The following OTUD7A variants were observed in gnomAD, a reference collection of about 807,000 sequenced individuals.
OTUD7A encodes OTU deubiquitinase 7A.
In OTUD7A, 12 loss-of-function variants were observed where a neutral mutation model predicts 65.7. The ratio of observed to expected loss-of-function variants is 0.18; its 90% CI spans 0.12 to 0.30. The LOEUF is 0.30. Ranked by LOEUF, OTUD7A falls within the 10% of genes least tolerant of loss-of-function variation. The probability of loss-of-function intolerance (pLI) is 1.00; values close to 1 mark genes in which losing one functional copy is unlikely to be tolerated. For missense variants in OTUD7A, 1,148 were observed against 1,304.8 expected (o/e 0.88, Z 1.85); for synonymous variants, 641 against 586.3 (o/e 1.09, Z -1.35).
chr15:31,646,370 T>A (rs1891664656), intron 3 of OTUD7A, among the ~76,000 whole-genome samples: 1 of 152,198 alleles, frequency 6.6e-6, no homozygotes, highest in Admixed American at 6.5e-5. Context: ...TGAATACGGC[T>A]GGCTTTCCAG....
chr15:31,660,391 A>C (rs914325065), intron 1 of OTUD7A, among the ~76,000 whole-genome samples: 4 of 152,232 alleles, frequency 2.6e-5, no homozygotes, highest in Non-Finnish European at 5.9e-5. Flanking sequence ...TGTGGATGCC[A>C]CATTAGGGAA....
intron 1 of OTUD7A, among the ~76,000 whole-genome samples, chr15:31,687,806 TAAC>T (rs1320098298): frequency 6.6e-6 from 1 of 152,160 alleles, no homozygotes; most frequent in Non-Finnish European, 1.5e-5. Flanking sequence ...AAAATTATAA[TAAC>T]AACCATCAAG....
intron 1 of OTUD7A, among the ~76,000 whole-genome samples, chr15:31,770,752 A>G (rs1403514262): frequency 3.3e-5 from 5 of 152,258 alleles, no homozygotes; most frequent in Non-Finnish European, 5.9e-5. Context: ...TTGGTTTATC[A>G]TTAGAAAATA....
intron 1 of OTUD7A, among the ~76,000 whole-genome samples, chr15:31,805,550 AT>A (rs1364550277): frequency 6.6e-6 from 1 of 152,234 alleles, no homozygotes; most frequent in Non-Finnish European, 1.5e-5. Context: ...GAGGCCTGTG[AT>A]TTATCAAAAT....
intron 1 of OTUD7A, among the ~76,000 whole-genome samples, chr15:31,716,417 A>G (rs1210089850): frequency 5.5e-5 from 6 of 108,832 alleles, no homozygotes; most frequent in African/African-American, 1.6e-4. Flanking sequence ...CTAAAAGGAG[A>G]TCATCTTGTT....
chr15:31,587,905 C>T (rs1889597052), intron 3 of OTUD7A, among the ~76,000 whole-genome samples: 1 of 151,966 alleles, frequency 6.6e-6, no homozygotes. Flanking sequence ...TATCTGCACT[C>T]TTTCTCCCTC....
At chr15:31,739,153 A>G (rs1349922839) in intron 1 of OTUD7A, among the ~76,000 whole-genome samples, 1 of 152,210 alleles carries the variant, frequency 6.6e-6, no homozygotes, top group East Asian at 1.9e-4. Flanking sequence ...CTCATCTTGG[A>G]TCAAAAGACT....
intron 4 of OTUD7A, among the ~76,000 whole-genome samples, chr15:31,568,689 G>A (rs1323786103): frequency 1.3e-5 from 2 of 152,216 alleles, no homozygotes; most frequent in Non-Finnish European, 2.9e-5. Context: ...AGGCCTAGTG[G>A]GAGGTGTTTG....
intron 1 of OTUD7A, among the ~76,000 whole-genome samples, chr15:31,661,896 CCTCT>C (rs772623461): frequency 1.3e-5 from 2 of 151,942 alleles, no homozygotes; most frequent in South Asian, 2.1e-4. Context: ...CGTCTTTTTC[CCTCT>C]GTTTGTTGAA....
At chr15:31,527,420 G>A (rs1011345215) in intron 6 of OTUD7A, 112 bp from the exon 7 acceptor site, 4 of 1,376,032 alleles carry the variant, frequency 2.9e-6, no homozygotes, top group Non-Finnish European at 3.9e-6. Flanking sequence ...TCTGCACGCA[G>A]AACAGCCTCC....
chr15:31,659,503 A>T (rs915593486), intron 1 of OTUD7A, among the ~76,000 whole-genome samples: 2 of 152,258 alleles, frequency 1.3e-5, no homozygotes, highest in Non-Finnish European at 2.9e-5. Flanking sequence ...ATCGACATAA[A>T]CAACATTTTA....
At chr15:31,687,697 T>C (rs765381088) in intron 1 of OTUD7A, among the ~76,000 whole-genome samples, 21 of 152,192 alleles carry the variant, frequency 1.4e-4, no homozygotes, top group Non-Finnish European at 2.6e-4. Context: ...CACCTCAGTA[T>C]ATGCTCCCTT....
At chr15:31,686,682 GAA>G (rs1892844336) in intron 1 of OTUD7A, among the ~76,000 whole-genome samples, 1 of 152,230 alleles carries the variant, frequency 6.6e-6, no homozygotes, top group African/African-American at 2.4e-5. Flanking sequence ...GAGCCCACCA[GAA>G]GAGTCCTCCG....
chr15:31,624,005 A>T (rs371331332), intron 3 of OTUD7A, among the ~76,000 whole-genome samples: 4 of 152,376 alleles, frequency 2.6e-5, no homozygotes, highest in South Asian at 4.1e-4. Context: ...AGAGGTATGC[A>T]ATACTTCAAT....
intron 1 of OTUD7A, among the ~76,000 whole-genome samples, chr15:31,703,261 T>C (rs1360938642): frequency 6.6e-6 from 1 of 152,160 alleles, no homozygotes; most frequent in Non-Finnish European, 1.5e-5. Flanking sequence ...ATTGATAAAC[T>C]TGAACTTTTT....
At chr15:31,488,026 C>CTGAT (rs2041265089) in intron 10 of OTUD7A, among the ~76,000 whole-genome samples, 1 of 152,140 alleles carries the variant, frequency 6.6e-6, no homozygotes, top group African/African-American at 2.4e-5. Context: ...AATTTTGTGC[C>CTGAT]ACAAGTCTGT....
chr15:31,788,736 A>G (rs1424997910), intron 1 of OTUD7A, among the ~76,000 whole-genome samples: 1 of 152,184 alleles, frequency 6.6e-6, no homozygotes, highest in Non-Finnish European at 1.5e-5. Context: ...TGGAGGAGAG[A>G]AAAGGTACCC....
At position 31,509,955 on chromosome 15, in the gene OTUD7A, T is replaced by A. The variant is rs150653843; in HGVS notation, c.894-6137A>T. Among the ~76,000 whole-genome samples the A allele has an allele frequency of 3.2e-3, 484 of 152,064 alleles. 4 individuals carry two copies. The highest frequency in any genetic ancestry group is 0.02 in the East Asian group (103 of 5,186). Reference sequence around the variant, plus strand: ...TTTGCACTTTATTTTCCTTTTTTTTTAATTTGCATTTATTTTTCTCTCCCT... The same window carrying A: ...TTTGCACTTTATTTTCCTTTTTTTTAAATTTGCATTTATTTTTCTCTCCCT... On this transcript the variant is annotated intron_variant, in intron 8 of 12. Transcript: ENST00000307050.
chr15:31,530,570 G>A, intron 6 of OTUD7A, 137 bp downstream of exon 6: 1 of 729,092 alleles, frequency 1.4e-6, no homozygotes, highest in Non-Finnish European at 2.2e-6. Context: ...GTCTCCTGGG[G>A]ACTTTCTCAT....
Sources: gnomAD v4.1 joint callset for allele counts (sites outside exome capture counted in the v4.1 genomes callset) on GRCh38, gnomAD v4.1.1 for gene constraint, MANE v1.5 for transcripts, NCBI Gene and HGNC (gene_info 2026-07-23, HGNC 2026-07-21) for gene names.